FAT3: variants seen among roughly 807,000 people sequenced by gnomAD.
FAT3 encodes protocadherin Fat 3.
Under a neutral mutation model 310.2 loss-of-function variants are expected in FAT3, and 95 were observed. The ratio of observed to expected loss-of-function variants is 0.31; its 90% CI spans 0.26 to 0.36. The LOEUF (loss-of-function observed/expected upper bound fraction) is 0.36, where lower values mean the gene tolerates loss of function less well. Ranked by LOEUF, FAT3 falls within the 10% of genes least tolerant of loss-of-function variation. The pLI is 1.00. For missense variants in FAT3, 5,408 were observed against 5,715.6 expected, an observed-to-expected ratio of 0.95 and a Z score of 1.74; for synonymous variants, 2,314 against 2,192.9, an observed-to-expected ratio of 1.06 and a Z score of -1.54.
At chr11:92,819,492 C>A (rs1591776708) in intron 13 of FAT3, among the ~76,000 whole-genome samples, 1 of 152,140 alleles carries the variant, frequency 6.6e-6, no homozygotes, top group Non-Finnish European at 1.5e-5. Context: ...GTTCCCAGAA[C>A]CACACTTTGA....
At chr11:92,574,837 T>C (rs1389901322) in intron 3 of FAT3, among the ~76,000 whole-genome samples, 1 of 152,192 alleles carries the variant, frequency 6.6e-6, no homozygotes, top group Non-Finnish European at 1.5e-5. Context: ...GCTGCATACC[T>C]TATAGCAACC....
intron 2 of FAT3, among the ~76,000 whole-genome samples, chr11:92,505,134 A>G (rs1953059686): frequency 6.6e-6 from 1 of 152,020 alleles, no homozygotes; most frequent in Non-Finnish European, 1.5e-5. Flanking sequence ...AGGACAGAAG[A>G]GAGGAAAGTT....
At chr11:92,837,854 T>C (rs760832816) in intron 17 of FAT3, 48 bp downstream of exon 17, 6 of 1,610,632 alleles carry the variant, frequency 3.7e-6, no homozygotes, top group South Asian at 3.3e-5. Context: ...CATTCAGCTT[T>C]CTTCCTCTGC....
intron 14 of FAT3, 46 bp from the exon 15 acceptor site, chr11:92,834,824 G>C: frequency 6.9e-7 from 1 of 1,457,490 alleles, no homozygotes; most frequent in Non-Finnish European, 9.4e-7. Flanking sequence ...TTGCTGACCA[G>C]TGTTTTTTCC....
At chr11:92,730,098 T>C (rs1429036407) in intron 4 of FAT3, among the ~76,000 whole-genome samples, 1 of 152,108 alleles carries the variant, frequency 6.6e-6, no homozygotes, top group Non-Finnish European at 1.5e-5. Context: ...TCCCAGCATT[T>C]TGGGAGGCCG....
At chr11:92,394,313 A>G (rs1020589509) in intron 2 of FAT3, among the ~76,000 whole-genome samples, 1 of 152,164 alleles carries the variant, frequency 6.6e-6, no homozygotes, top group Non-Finnish European at 1.5e-5. Context: ...TATGAAAAGT[A>G]CAAAAACAAT....
At chr11:92,367,030 A>G (rs1949041219) in intron 2 of FAT3, 1 of 513,100 alleles carries the variant, frequency 1.9e-6, no homozygotes, top group Non-Finnish European at 3.9e-6. Flanking sequence ...CATCTGATCA[A>G]TAACATCTAG....
intron 3 of FAT3, among the ~76,000 whole-genome samples, chr11:92,645,501 A>AAC (rs1565483225): frequency 6.7e-6 from 1 of 149,006 alleles, no homozygotes. Flanking sequence ...AAAAAAAAAA[A>AAC]AAACAGGTAA....
intron 2 of FAT3, among the ~76,000 whole-genome samples, chr11:92,367,498 C>T (rs565341868): frequency 1.3e-5 from 2 of 152,180 alleles, no homozygotes; most frequent in South Asian, 4.2e-4. Context: ...GGCACACTCA[C>T]CTGCAGTCCC....
chr11:92,501,609 T>C (rs1006617538), intron 2 of FAT3, among the ~76,000 whole-genome samples: 3 of 151,826 alleles, frequency 2.0e-5, no homozygotes, highest in East Asian at 1.9e-4. Context: ...GGGAAGTGTA[T>C]GCATGTGCGC....
At position 92,404,237 on chromosome 11, in the gene FAT3, A is replaced by T. The variant is rs945801955; in HGVS notation, c.3292+48833A>T. 1.3e-5 allele frequency among the ~76,000 whole-genome samples: 2 copies of T among 152,250 alleles called. 1 individual carries two copies. Among genetic ancestry groups the T allele is most frequent in the South Asian group, 4.2e-4 (2 of 4,816 alleles). On this transcript the variant is annotated intron_variant, in intron 2 of 27. Coordinates refer to ENST00000525166, the MANE Select transcript of FAT3 (RefSeq NM_001367949.2). The stretch of plus-strand genomic sequence containing the variant: ...GAGTACAAATATTAAAAAAGACATT[A>T]TTCCTGCTTCCAAGGAGCTTTACTT...
chr11:92,815,433 C>T (rs1445697440), intron 13 of FAT3, among the ~76,000 whole-genome samples: 2 of 151,856 alleles, frequency 1.3e-5, no homozygotes, highest in Non-Finnish European at 2.9e-5. Flanking sequence ...ATTCGCCGGG[C>T]GTGGCAGTGG....
chr11:92,883,503 C>A lies in FAT3; in HGVS notation c.12937+110C>A. ...AGAGACCCCGCATGCAGAGCATTCG[C>A]TATGACATGTGCTGATGTCGAATGT... On this transcript the variant is annotated intron_variant, in intron 24 of 27. Transcript: ENST00000525166. This position sits in a 1 kb window ranked among gnomAD's most constrained non-coding sequence, Gnocchi z 4.2. 7.3e-7 allele frequency: 1 copy of A among 1,361,104 alleles called. No individual in the cohort carries two copies. 84.3% of individuals were successfully genotyped at this position (1,361,104 alleles called of 1,614,324 possible). A position where few individuals can be genotyped will look rare whatever the true frequency, so the allele number is the denominator to read the frequency against.
At chr11:92,573,327 TGAA>T (rs1565424224) in intron 3 of FAT3, among the ~76,000 whole-genome samples, 1 of 152,046 alleles carries the variant, frequency 6.6e-6, no homozygotes, top group Non-Finnish European at 1.5e-5. Flanking sequence ...GGAGGCCTCT[TGAA>T]GAGATCACCC....
chr11:92,603,563 A>T (rs574126942), intron 3 of FAT3, among the ~76,000 whole-genome samples: 3 of 152,204 alleles, frequency 2.0e-5, no homozygotes, highest in Non-Finnish European at 4.4e-5. Context: ...CAATCATTAG[A>T]TATTTGGTTT....
At chr11:92,260,838 G>C (rs886238325) in intron 1 of FAT3, among the ~76,000 whole-genome samples, 1 of 152,150 alleles carries the variant, frequency 6.6e-6, no homozygotes, top group Middle Eastern at 3.4e-3. Context: ...CAAGAGTCGA[G>C]ACAATTTTGA....
Position 92,800,935 on chromosome 11 carries a change from G to T in FAT3, c.7922G>T (p.Ser2641Ile). 6.2e-7 allele frequency: 1 copy of T among 1,612,708 alleles called. No homozygotes were observed. Among genetic ancestry groups the T allele is most frequent in the South Asian group, 1.1e-5 (1 of 90,722 alleles). The change falls in exon 10 of 28, where the codon AGC becomes ATC. Residue 2641 changes from serine to isoleucine, a missense_variant. Ser to Ile is a moderately radical substitution (Grantham distance 142). Transcript: ENST00000525166. Reference protein sequence around the residue: ...ANSRITYSLYSEASVSVADLL... With the variant: ...ANSRITYSLYIEASVSVADLL... ...TCAAGGATTACTTATTCCCTCTATA[G>T]CGAGGCCTCTGTTTCAGTGGCCGAC...
In FAT3 at chr11:92,620,459, A is replaced by G. The variant is rs376933474; in HGVS notation, c.3608-76925A>G. On this transcript the variant is annotated intron_variant, in intron 3 of 27. Transcript: ENST00000525166. ...ACATGTACTTTCATGTAGAAATATC[A>G]ATAGTATAAATCTTGTGCTGATTTA... Among the ~76,000 whole-genome samples the G allele has an allele frequency of 2.0e-4, 30 of 152,346 alleles. No individual in the cohort carries two copies. In the East Asian group the frequency reaches 4.4e-3, roughly 23 times the overall value.
chr11:92,613,432 T>G (rs1403679836), intron 3 of FAT3, among the ~76,000 whole-genome samples: 1 of 152,206 alleles, frequency 6.6e-6, no homozygotes, highest in Non-Finnish European at 1.5e-5. Context: ...ATAACACAAT[T>G]AGCCTCTAAA....
Sources: gnomAD v4.1 joint callset for allele counts (sites outside exome capture counted in the v4.1 genomes callset) on GRCh38, gnomAD v4.1.1 for gene constraint, Gnocchi (gnomAD v3.1) non-coding constraint, MANE v1.5 for transcripts, NCBI Gene and HGNC (gene_info 2026-07-23, HGNC 2026-07-21) for gene names.